Variants in IGF1 observed in about 807,000 individuals in gnomAD.
IGF1 encodes insulin like growth factor 1, also known as insulin-like growth factor 1.
In IGF1, 4 loss-of-function variants were observed where a neutral mutation model predicts 13.8. The observed-to-expected ratio is 0.29, with a 90% CI of 0.14 to 0.66. IGF1 has a LOEUF of 0.66. IGF1 is among the 30% of genes least tolerant of loss of function. The probability of loss-of-function intolerance (pLI) is 0.78; values close to 1 mark genes in which losing one functional copy is unlikely to be tolerated. For synonymous variants in IGF1, 76 were observed against 72.6 expected (o/e 1.05, Z -0.23); for missense variants, 124 against 188.5 (o/e 0.66, Z 2.00).
chr12:102,445,281 A>G (rs1217409243), intron 2 of IGF1, among the ~76,000 whole-genome samples: 1 of 152,128 alleles, frequency 6.6e-6, no homozygotes, highest in Non-Finnish European at 1.5e-5. Flanking sequence ...AAGAAAGTCA[A>G]TGGTACCTTG....
intron 3 of IGF1, among the ~76,000 whole-genome samples, chr12:102,406,098 T>C (rs903622426): frequency 6.6e-6 from 1 of 152,254 alleles, no homozygotes; most frequent in Non-Finnish European, 1.5e-5. Context: ...TGCACACACG[T>C]GCACGGTGGA....
At chr12:102,448,116 T>C (rs1351286086) in intron 2 of IGF1, among the ~76,000 whole-genome samples, 1 of 150,412 alleles carries the variant, frequency 6.6e-6, no homozygotes, top group Admixed American at 6.6e-5. Flanking sequence ...TCAACCATTG[T>C]GGAAGTCAGT....
intron 2 of IGF1, among the ~76,000 whole-genome samples, chr12:102,423,456 A>G (rs1403886885): frequency 2.0e-5 from 3 of 152,126 alleles, no homozygotes; most frequent in Non-Finnish European, 4.4e-5. Context: ...AAAAATTTAT[A>G]TATTTATTTT....
intron 1 of IGF1, among the ~76,000 whole-genome samples, chr12:102,479,099 C>A (rs1483876133): frequency 6.6e-6 from 1 of 152,220 alleles, no homozygotes; most frequent in Non-Finnish European, 1.5e-5. Flanking sequence ...CTTTTATGAT[C>A]CCCTAAGTAA....
rs760485965 is a variant in IGF1, at chr12:102,399,283, A to G, written c.*3224T>C. 1 of 152,568 alleles carries G rather than the reference A, an allele frequency of 6.6e-6. No individual in the cohort carries two copies. The highest frequency in any genetic ancestry group is 1.5e-5 in the Non-Finnish European group (1 of 68,016). The allele number at this position is 152,568 out of a possible 1,614,324, so 9.5% of individuals were successfully genotyped here. ...ATAATACTTTAATATTATTTGGGGA[A>G]GAGAGAACAGAAATTTGACCTAAGT... is the stretch of plus-strand genomic sequence containing the variant. On this transcript the variant is annotated 3_prime_UTR_variant, in exon 4 of 4. Coordinates refer to ENST00000337514, the MANE Select transcript of IGF1 (RefSeq NM_000618.5).
chr12:102,422,036 G>A (rs1314231003), intron 2 of IGF1, among the ~76,000 whole-genome samples: 2 of 151,988 alleles, frequency 1.3e-5, no homozygotes, highest in Non-Finnish European at 2.9e-5. Flanking sequence ...AAAAATAACA[G>A]GAAATACCAG....
At chr12:102,476,371 A>G (rs1044530793) in intron 1 of IGF1, among the ~76,000 whole-genome samples, 3 of 150,750 alleles carry the variant, frequency 2.0e-5, no homozygotes, top group African/African-American at 7.3e-5. Flanking sequence ...AATACTATAT[A>G]TCATCACAGG....
chr12:102,425,986 T>A (rs1157441377), intron 2 of IGF1, among the ~76,000 whole-genome samples: 1 of 152,224 alleles, frequency 6.6e-6, no homozygotes, highest in Non-Finnish European at 1.5e-5. Flanking sequence ...AGGTGAAAGA[T>A]AATCAAATGC....
intron 3 of IGF1, chr12:102,418,042 G>T (rs1185175484): frequency 3.8e-6 from 6 of 1,596,462 alleles, no homozygotes; most frequent in Non-Finnish European, 5.1e-6. Context: ...GAGAACAAGT[G>T]GTTCCCATGG....
At chr12:102,422,235 T>A (rs942998324) in intron 2 of IGF1, among the ~76,000 whole-genome samples, 5 of 152,170 alleles carry the variant, frequency 3.3e-5, no homozygotes, top group East Asian at 3.8e-4. Flanking sequence ...TTTGTTTTTT[T>A]AAAAAATATT....
In IGF1 at chr12:102,401,457, G is replaced by A. The variant is rs1873674824; in HGVS notation, c.*1050C>T. 1 of 152,580 alleles carries A rather than the reference G, an allele frequency of 6.6e-6. No individual in the cohort carries two copies. The highest frequency in any genetic ancestry group is 6.6e-5 in the Admixed American group (1 of 15,266). 9.5% of individuals were successfully genotyped at this position (152,580 alleles called of 1,614,324 possible). On this transcript the variant is annotated 3_prime_UTR_variant, in exon 4 of 4. Transcript: ENST00000337514. ...AGTTCCTCTTGGAAGGCATAACTGG[G>A]GGGACTTTGCCTTCTTTCCCAAATG...
chr12:102,448,990 C>A (rs1334666884), intron 2 of IGF1, among the ~76,000 whole-genome samples: 1 of 152,088 alleles, frequency 6.6e-6, no homozygotes, highest in Non-Finnish European at 1.5e-5. Flanking sequence ...GACGGTGTGG[C>A]GATTTCTCAA....
chr12:102,450,486 A>G (rs1022640324), intron 2 of IGF1, among the ~76,000 whole-genome samples: 9 of 152,346 alleles, frequency 5.9e-5, no homozygotes, highest in African/African-American at 1.4e-4. Context: ...TGGATGCCCA[A>G]TTGCTCTGGG....
intron 3 of IGF1, among the ~76,000 whole-genome samples, chr12:102,418,717 C>T (rs1056357460): frequency 1.3e-5 from 2 of 152,030 alleles, no homozygotes; most frequent in East Asian, 3.9e-4. Flanking sequence ...TTTGTTCATT[C>T]GTTCACTCAT....
chr12:102,402,248 T>A lies in IGF1; in HGVS notation c.*259A>T, dbSNP rs565327837. 1.8e-3 allele frequency: 493 copies of A among 269,186 alleles called. 5 individuals are homozygous for A. Among genetic ancestry groups the A allele is most frequent in the African/African-American group, 7.3e-3 (319 of 43,580 alleles). 16.7% of individuals were successfully genotyped at this position (269,186 alleles called of 1,614,324 possible). On this transcript the variant is annotated 3_prime_UTR_variant, in exon 4 of 4. Transcript: ENST00000337514. ...CTAAGATATATATATATATATATTT[T>A]TTTTTTCTTTTCTATAGAACATTAT...
chr12:102,404,696 C>A (rs923502856), intron 3 of IGF1, among the ~76,000 whole-genome samples: 1 of 151,964 alleles, frequency 6.6e-6, no homozygotes, highest in African/African-American at 2.4e-5. Context: ...ACTTAAGATA[C>A]ATTTGTTGTG....
chr12:102,418,342 G>A (rs1244093302), intron 3 of IGF1, among the ~76,000 whole-genome samples: 1 of 152,228 alleles, frequency 6.6e-6, no homozygotes, highest in African/African-American at 2.4e-5. Flanking sequence ...ACTGTGTTCT[G>A]TGTGTGTTGG....
At chr12:102,439,499 A>G (rs1877525414) in intron 2 of IGF1, among the ~76,000 whole-genome samples, 1 of 152,228 alleles carries the variant, frequency 6.6e-6, no homozygotes, top group African/African-American at 2.4e-5. Flanking sequence ...GACAAGTACT[A>G]TAACAAAATA....
chr12:102,480,608 A>C (rs1426727690), upstream of IGF1: 6 of 1,377,320 alleles, frequency 4.4e-6, no homozygotes, highest in Non-Finnish European at 4.7e-6. Flanking sequence ...AAACACAGAC[A>C]CTGTAGACAG....
Sources: gnomAD v4.1 joint callset for allele counts (sites outside exome capture counted in the v4.1 genomes callset) on GRCh38, gnomAD v4.1.1 for gene constraint, MANE v1.5 for transcripts, NCBI Gene and HGNC (gene_info 2026-07-23, HGNC 2026-07-21) for gene names.